The following ANXA4 variants were observed in gnomAD, a reference collection of about 807,000 sequenced individuals.
ANXA4 encodes the protein 35-beta calcimedin.
ANXA4 carries 39 observed loss-of-function variants against 49.8 expected under a neutral mutation model. The observed-to-expected ratio is 0.78, with a 90% CI of 0.61 to 1.02. The LOEUF (loss-of-function observed/expected upper bound fraction) is 1.02, where lower values mean the gene tolerates loss of function less well. ANXA4 is among the 50% of genes least tolerant of loss of function. The pLI is 0.00. For synonymous variants in ANXA4, 134 were observed against 152.5 expected (o/e 0.88, Z 0.89); for missense variants, 360 against 410.1 (o/e 0.88, Z 1.05).
intron 1 of ANXA4, among the ~76,000 whole-genome samples, chr2:69,763,534 T>C (rs1029578308): frequency 6.6e-6 from 1 of 152,178 alleles, no homozygotes; most frequent in African/African-American, 2.4e-5. Flanking sequence ...GAAAATGGTC[T>C]AGCTTTATCA....
At chr2:69,728,178 T>A in intron 3 of ANXA4, among the ~76,000 whole-genome samples, 1 of 152,238 alleles carries the variant, frequency 6.6e-6, no homozygotes, top group East Asian at 1.9e-4. Flanking sequence ...ATTTCTCTTG[T>A]AGTTAATAAA....
At chr2:69,702,798 T>G (rs779034206) in intron 2 of ANXA4, among the ~76,000 whole-genome samples, 3 of 152,182 alleles carry the variant, frequency 2.0e-5, no homozygotes, top group Non-Finnish European at 4.4e-5. Context: ...AAGACAAAAT[T>G]TTTTTAAAAC....
At chr2:69,807,719 A>G (rs1673505865) in intron 5 of ANXA4, among the ~76,000 whole-genome samples, 187 bp from the exon 6 acceptor site, 2 of 152,210 alleles carry the variant, frequency 1.3e-5, no homozygotes, top group African/African-American at 2.4e-5. Context: ...GTTTGTTATT[A>G]CTCATAATTG....
chr2:69,757,428 G>A (rs904083156), intron 1 of ANXA4, among the ~76,000 whole-genome samples: 1 of 141,630 alleles, frequency 7.1e-6, no homozygotes, highest in Non-Finnish European at 1.5e-5. Context: ...CTATCACCAC[G>A]CCTAATTTTT....
chr2:69,702,953 G>A (rs945124908), intron 2 of ANXA4, among the ~76,000 whole-genome samples: 10 of 151,944 alleles, frequency 6.6e-5, no homozygotes, highest in South Asian at 2.1e-4. Context: ...AAATAAATTC[G>A]CCCATGTTTT....
chr2:69,768,119 C>A (rs1323310353), intron 1 of ANXA4, among the ~76,000 whole-genome samples: 1 of 152,140 alleles, frequency 6.6e-6, no homozygotes, highest in Non-Finnish European at 1.5e-5. Context: ...TAGCTCTTAT[C>A]ACCTATTACT....
At chr2:69,665,619 C>T (rs1676905498) in intron 2 of ANXA4, among the ~76,000 whole-genome samples, 1 of 152,160 alleles carries the variant, frequency 6.6e-6, no homozygotes, top group African/African-American at 2.4e-5. Flanking sequence ...TATCCCTATA[C>T]TCATTTAAAT....
intron 1 of ANXA4, among the ~76,000 whole-genome samples, chr2:69,757,262 ATATATTTTTTTTTT>A (rs1363316189): frequency 2.1e-3 from 105 of 50,246 alleles, no homozygotes; most frequent in African/African-American, 0.01. Flanking sequence ...ATATATATAT[ATATATTTTTTTTTT>A]TTTTTTTTTT....
intron 2 of ANXA4, among the ~76,000 whole-genome samples, chr2:69,693,737 T>TA (rs1344911208): frequency 6.6e-6 from 1 of 152,120 alleles, no homozygotes; most frequent in Non-Finnish European, 1.5e-5. Flanking sequence ...TTCCTGGACA[T>TA]ATTTGGGGTT....
chr2:69,772,285 C>T (rs1359319731), intron 1 of ANXA4, among the ~76,000 whole-genome samples: 1 of 152,176 alleles, frequency 6.6e-6, no homozygotes, highest in Non-Finnish European at 1.5e-5. Context: ...TGGACTTGGT[C>T]ACAATGTGCA....
At chr2:69,803,616 T>C (rs1245005101) in intron 3 of ANXA4, 1 of 152,222 alleles carries the variant, frequency 6.6e-6, no homozygotes, top group Non-Finnish European at 1.5e-5. Flanking sequence ...AAGGGAACCA[T>C]TTGTGTTCAG....
intron 2 of ANXA4, among the ~76,000 whole-genome samples, chr2:69,720,291 T>TC (rs996673106): frequency 6.6e-6 from 1 of 152,076 alleles, no homozygotes; most frequent in Non-Finnish European, 1.5e-5. Context: ...CTGCTTCAAA[T>TC]CCCCCCGGTC....
At chr2:69,777,398 T>G (rs571939969) in intron 1 of ANXA4, among the ~76,000 whole-genome samples, 8 of 152,250 alleles carry the variant, frequency 5.3e-5, no homozygotes, top group African/African-American at 1.9e-4. Flanking sequence ...CCCCATCCTA[T>G]AGTTATCTGG....
intron 2 of ANXA4, among the ~76,000 whole-genome samples, chr2:69,719,880 C>A (rs1211718683): frequency 6.6e-6 from 1 of 152,198 alleles, no homozygotes; most frequent in Non-Finnish European, 1.5e-5. Flanking sequence ...CCCACCTTGG[C>A]CTCCCAAAGT....
rs563391647 is a variant in ANXA4, at chr2:69,755,358, G to A, written c.-47+13183G>A. Among the ~76,000 whole-genome samples the A allele has an allele frequency of 2.0e-5, 3 of 152,314 alleles. No individual in the cohort carries two copies. In the South Asian group the frequency reaches 6.2e-4, roughly 32 times the overall value. ...AAATAGGCCAGGAACAGTGGCTCACGCCTGTAATCCCAGCACTTTGGGAGG... is the reference window on the plus strand; with the variant it reads ...AAATAGGCCAGGAACAGTGGCTCACACCTGTAATCCCAGCACTTTGGGAGG... On this transcript the variant is annotated intron_variant, in intron 1 of 12. Coordinates refer to ENST00000394295, the MANE Select transcript of ANXA4 (RefSeq NM_001153.5).
chr2:69,717,691 G>A (rs1018765039), intron 2 of ANXA4, among the ~76,000 whole-genome samples: 1 of 152,116 alleles, frequency 6.6e-6, no homozygotes, highest in African/African-American at 2.4e-5. Context: ...GGAATATGTT[G>A]TTCCCTGTGA....
chr2:69,789,086 A>C (rs1361973988), intron 3 of ANXA4, among the ~76,000 whole-genome samples: 1 of 152,126 alleles, frequency 6.6e-6, no homozygotes, highest in Non-Finnish European at 1.5e-5. Context: ...AAATTTTAGA[A>C]ATGTATTTGT....
chr2:69,794,713 C>A (rs1672859715), intron 3 of ANXA4, among the ~76,000 whole-genome samples: 2 of 152,236 alleles, frequency 1.3e-5, no homozygotes, highest in South Asian at 2.1e-4. Flanking sequence ...CAGGTGCCTG[C>A]CACCATGCCC....
upstream of ANXA4, chr2:69,643,910 C>T: frequency 2.6e-6 from 3 of 1,161,178 alleles, no homozygotes; most frequent in South Asian, 1.3e-4. Context: ...GAGAAGAGGA[C>T]TGGGGGAAGA....
Sources: allele counts gnomAD v4.1 joint callset (sites outside exome capture counted in the v4.1 genomes callset), GRCh38; gene constraint gnomAD v4.1.1; transcripts MANE v1.5; gene names NCBI Gene and HGNC (gene_info 2026-07-23, HGNC 2026-07-21).